Variants in KIAA2012 observed in about 807,000 individuals in gnomAD.
KIAA2012 encodes the protein KIAA2012.
KIAA2012 carries 125 observed loss-of-function variants against 150.6 expected under a neutral mutation model. The ratio of observed to expected loss-of-function variants is 0.83; its 90% CI spans 0.72 to 0.96. The LOEUF is 0.96. KIAA2012 is among the 40% of genes least tolerant of loss of function. The pLI, the probability that KIAA2012 is intolerant of heterozygous loss-of-function variation, is 0.00. For synonymous variants in KIAA2012, 462 were observed against 504.7 expected (o/e 0.92, Z 1.13); for missense variants, 1,219 against 1,354.9 (o/e 0.90, Z 1.57).
intron 11 of KIAA2012, among the ~76,000 whole-genome samples, chr2:202,118,196 T>C (rs1690572839): frequency 6.6e-6 from 1 of 152,164 alleles, no homozygotes; most frequent in Admixed American, 6.5e-5. Flanking sequence ...CCCCACGTGG[T>C]TATAGTGTAC....
At chr2:202,201,476 A>C (rs1692524901) in intron 22 of KIAA2012, 2 of 1,598,012 alleles carry the variant, frequency 1.3e-6, no homozygotes, top group African/African-American at 2.7e-5. Context: ...CTGCAAGCTG[A>C]GCAGCACTGG....
chr2:202,198,333 T>C (rs997783387), intron 22 of KIAA2012, among the ~76,000 whole-genome samples: 1 of 151,930 alleles, frequency 6.6e-6, no homozygotes, highest in South Asian at 2.1e-4. Context: ...TTCCAGCAAG[T>C]AAACAGTAAA....
chr2:202,113,934 A>G (rs1248424724), intron 11 of KIAA2012: 1 of 153,198 alleles, frequency 6.5e-6, no homozygotes, highest in Non-Finnish European at 1.5e-5. Flanking sequence ...TTTAGAAAAG[A>G]GATGCTGCCT....
intron 19 of KIAA2012, 27 bp from the exon 20 acceptor site, chr2:202,193,274 T>G (rs1392889811): frequency 3.2e-6 from 5 of 1,545,278 alleles, no homozygotes; most frequent in Non-Finnish European, 4.4e-6. Flanking sequence ...ATCTGTTTAT[T>G]GCACTGAGAA....
chr2:202,109,524 G>A (rs1690289875), intron 9 of KIAA2012, 89 bp from the exon 10 acceptor site: 1 of 1,148,514 alleles, frequency 8.7e-7, no homozygotes, highest in Non-Finnish European at 1.2e-6. Flanking sequence ...TCACACAGAG[G>A]TCCTTCAACC....
In KIAA2012 at chr2:202,125,181, C is replaced by T. The variant is rs534443124; in HGVS notation, c.1763-33C>T. The T allele has an allele frequency of 3.7e-5, 56 of 1,516,404 alleles. No individual in the cohort carries two copies. In the Admixed American group the frequency reaches 4.4e-4, roughly 12 times the overall value. 93.9% of individuals were successfully genotyped at this position (1,516,404 alleles called of 1,614,324 possible). ...AATAAATTTTTACAAGACTTTTTCC[C>T]GCTCTCAGGTAAAATATCTTACTGT... On this transcript the variant is annotated intron_variant, in intron 11 of 23. Coordinates refer to ENST00000498697, the MANE Select transcript of KIAA2012 (RefSeq NM_001277372.4).
At chr2:202,096,876 C>A (rs765593386) in intron 4 of KIAA2012, among the ~76,000 whole-genome samples, 20 of 152,188 alleles carry the variant, frequency 1.3e-4, no homozygotes, top group Non-Finnish European at 2.2e-4. Context: ...TGACTCAGAT[C>A]CTTCCTGAGG....
intron 4 of KIAA2012, among the ~76,000 whole-genome samples, chr2:202,096,098 CA>C (rs960179466): frequency 6.2e-4 from 93 of 150,420 alleles, no homozygotes; most frequent in African/African-American, 2.0e-3. Context: ...ACCCCCCACC[CA>C]AAAAAAAAGA....
intron 2 of KIAA2012, among the ~76,000 whole-genome samples, chr2:202,084,053 CA>C (rs1689509047): frequency 6.6e-6 from 1 of 152,102 alleles, no homozygotes; most frequent in Non-Finnish European, 1.5e-5. Context: ...AAGTCAGGGT[CA>C]CTAGCCAGGC....
chr2:202,095,090 G>C (rs1300029114), intron 4 of KIAA2012, among the ~76,000 whole-genome samples: 1 of 152,078 alleles, frequency 6.6e-6, no homozygotes, highest in Non-Finnish European at 1.5e-5. Context: ...ACTAATAGAA[G>C]CTGGCACATA....
intron 7 of KIAA2012, among the ~76,000 whole-genome samples, chr2:202,101,838 A>G (rs1575011986): frequency 1.3e-5 from 2 of 152,192 alleles, no homozygotes; most frequent in Admixed American, 1.3e-4. Context: ...TACCCTGCAT[A>G]GATTTGGTTG....
chr2:202,127,630 C>G (rs920095020), intron 12 of KIAA2012, among the ~76,000 whole-genome samples: 2 of 152,120 alleles, frequency 1.3e-5, no homozygotes, highest in Admixed American at 1.3e-4. Context: ...CAGGAGGCCT[C>G]GCAGAAAGCT....
chr2:202,142,942 T>A (rs1691221467), intron 13 of KIAA2012, among the ~76,000 whole-genome samples: 1 of 151,234 alleles, frequency 6.6e-6, no homozygotes, highest in African/African-American at 2.4e-5. Context: ...TCCTGTTGAT[T>A]GCAGGATGTT....
chr2:202,112,702 A>G (rs1235339245), intron 10 of KIAA2012, among the ~76,000 whole-genome samples: 5 of 151,956 alleles, frequency 3.3e-5, no homozygotes, highest in Admixed American at 3.3e-4. Flanking sequence ...CATGGGGGAA[A>G]CCCCGCAATC....
At chr2:202,094,405 A>G (rs1344557898) in intron 4 of KIAA2012, among the ~76,000 whole-genome samples, 1 of 152,242 alleles carries the variant, frequency 6.6e-6, no homozygotes, top group Non-Finnish European at 1.5e-5. Flanking sequence ...GGAGAAGTGA[A>G]CATGGCAGGT....
chr2:202,103,958 G>T (rs1690116810), intron 8 of KIAA2012, among the ~76,000 whole-genome samples: 1 of 152,138 alleles, frequency 6.6e-6, no homozygotes, highest in Non-Finnish European at 1.5e-5. Context: ...TTTTGACAGG[G>T]GTCCTAGTTC....
intron 2 of KIAA2012, among the ~76,000 whole-genome samples, chr2:202,086,450 C>T (rs998522366): frequency 2.6e-5 from 4 of 152,180 alleles, no homozygotes; most frequent in African/African-American, 9.6e-5. Context: ...AAGTACCCAA[C>T]AAATATTTAT....
chr2:202,154,809 A>G lies in KIAA2012; in HGVS notation c.2045A>G (p.Lys682Arg), dbSNP rs1407923431. 2 of 1,546,448 alleles carry G rather than the reference A, an allele frequency of 1.3e-6. No homozygotes were observed. The highest frequency in any genetic ancestry group is 2.8e-5 in the African/African-American group (2 of 72,688). The change falls in exon 14 of 24, where the codon AAG becomes AGG. Residue 682 changes from lysine (K) to arginine (R), a missense_variant and splice_region_variant. Transcript: ENST00000498697. The stretch of plus-strand genomic sequence containing the variant: ...CACATCGACATGACGCCGTTCCTGA[A>G]GGTGATCTCACACTGAGAAGACGAG... ...KLHIDMTPFL[K>R]ESGNALDYQE... is the part of the protein sequence containing the mutation.
chr2:202,133,130 A>ATTT lies in KIAA2012; in HGVS notation c.1832-5292_1832-5290dup, dbSNP rs60064904. 2.5e-3 allele frequency among the ~76,000 whole-genome samples: 167 copies of ATTT among 67,786 alleles called. 12 individuals are homozygous for ATTT. Among genetic ancestry groups the ATTT allele is most frequent in the Admixed American group, 9.2e-3 (51 of 5,570 alleles). 44.5% of individuals were successfully genotyped at this position (67,786 alleles called of 152,430 possible). ...AAAAAATATATATATATATATATATATTTTTTTTTTTTCTGGAGAATGGAG... is the reference window on the plus strand; with the variant it reads ...AAAAAATATATATATATATATATATATTTTTTTTTTTTTTTCTGGAGAATGGAG... On this transcript the variant is annotated intron_variant, in intron 12 of 23. Transcript: ENST00000498697.
Sources: gnomAD v4.1 joint callset for allele counts (sites outside exome capture counted in the v4.1 genomes callset) on GRCh38, gnomAD v4.1.1 for gene constraint, MANE v1.5 for transcripts, NCBI Gene and HGNC (gene_info 2026-07-23, HGNC 2026-07-21) for gene names.